The following LAMA3 variants were observed in gnomAD, a reference collection of about 807,000 sequenced individuals.
LAMA3 encodes laminin subunit alpha-3.
LAMA3 carries 281 observed loss-of-function variants against 402.0 expected under a neutral mutation model. The observed-to-expected ratio is 0.70, with a 90% confidence interval of 0.63 to 0.77. LAMA3 has a LOEUF of 0.77. Among genes scored for constraint, LAMA3 ranks in the 30% least tolerant of loss-of-function variants. LAMA3 has a pLI of 0.00. For missense variants in LAMA3, 3,840 were observed against 4,215.5 expected (o/e 0.91, Z 2.47); for synonymous variants, 1,431 against 1,558.4 (o/e 0.92, Z 1.93).
At chr18:23,840,362 T>C (rs1300646854) in intron 27 of LAMA3, among the ~76,000 whole-genome samples, 1 of 150,772 alleles carries the variant, frequency 6.6e-6, no homozygotes, top group East Asian at 1.9e-4. Flanking sequence ...ATAGTTATTG[T>C]AGCCAAGAAC....
At chr18:23,719,462 TA>T (rs1469103349) in intron 2 of LAMA3, among the ~76,000 whole-genome samples, 1 of 152,214 alleles carries the variant, frequency 6.6e-6, no homozygotes. Flanking sequence ...AAATTGTTTC[TA>T]AAGCTCCAAG....
chr18:23,907,114 A>G (rs1182997824), intron 52 of LAMA3, among the ~76,000 whole-genome samples: 2 of 152,244 alleles, frequency 1.3e-5, no homozygotes, highest in African/African-American at 4.8e-5. Context: ...TCCTTTCTAC[A>G]TTATTAATTC....
chr18:23,921,352 A>G, intron 61 of LAMA3, 100 bp from the exon 62 acceptor site: 1 of 1,307,946 alleles, frequency 7.6e-7, no homozygotes, highest in Admixed American at 2.4e-5. Context: ...ATATAAATGA[A>G]TCTGGGGGAA....
chr18:23,890,863 G>A (rs1317896817), intron 42 of LAMA3, among the ~76,000 whole-genome samples: 1 of 152,192 alleles, frequency 6.6e-6, no homozygotes, highest in African/African-American at 2.4e-5. Context: ...TTATTGTCAT[G>A]CCTCAGGACT....
At chr18:23,774,889 A>G (rs2143887839) in intron 9 of LAMA3, among the ~76,000 whole-genome samples, 1 of 152,326 alleles carries the variant, frequency 6.6e-6, no homozygotes, top group East Asian at 1.9e-4. Context: ...TCTTGTGCCT[A>G]CAAAGAATAG....
chr18:23,926,653 A>C (rs2082010954), intron 62 of LAMA3, among the ~76,000 whole-genome samples: 1 of 152,228 alleles, frequency 6.6e-6, no homozygotes, highest in Non-Finnish European at 1.5e-5. Context: ...TTAGAATGAA[A>C]TCAGCTTTGG....
chr18:23,777,520 A>G lies in LAMA3; in HGVS notation c.1406-37A>G, dbSNP rs371152769. On this transcript the variant is annotated intron_variant, in intron 10 of 74. Coordinates refer to ENST00000313654, the MANE Select transcript of LAMA3 (RefSeq NM_198129.4). ...AATGTTTTACTTTACTATCTCCTTAATCATCCTCTGTATTTTTTAATAAAC... is the reference window on the plus strand; with the variant it reads ...AATGTTTTACTTTACTATCTCCTTAGTCATCCTCTGTATTTTTTAATAAAC... 3.6e-5 allele frequency: 50 copies of G among 1,380,110 alleles called. 1 individual carries two copies. The African/African-American group carries it at 6.7e-4, about 18-fold the overall frequency. The allele number at this position is 1,380,110 out of a possible 1,614,324, so 85.5% of individuals were successfully genotyped here.
At chr18:23,922,973 C>T (rs1342779952) in intron 62 of LAMA3, among the ~76,000 whole-genome samples, 2 of 152,144 alleles carry the variant, frequency 1.3e-5, no homozygotes, top group Non-Finnish European at 2.9e-5. Flanking sequence ...TAGGAGGAAG[C>T]TCAGGGTGCT....
chr18:23,743,357 G>T (rs1177467274), intron 2 of LAMA3, among the ~76,000 whole-genome samples: 1 of 152,032 alleles, frequency 6.6e-6, no homozygotes, highest in Non-Finnish European at 1.5e-5. Context: ...ACCACTTCGG[G>T]GTTCAGCTCT....
At chr18:23,737,954 G>T (rs527795132) in intron 2 of LAMA3, among the ~76,000 whole-genome samples, 1 of 152,358 alleles carries the variant, frequency 6.6e-6, no homozygotes, top group Non-Finnish European at 1.5e-5. Context: ...GGGGGCTGGG[G>T]TCAGGCTTCA....
rs1368665472 is a variant in LAMA3 at position 23,912,717 on chromosome 18, G to A, written c.7165G>A (p.Val2389Ile). The change falls in exon 56 of 75, where the codon GTC becomes ATC. Residue 2389 changes from valine to isoleucine, a missense_variant. Transcript: ENST00000313654. ...TGTAACTTACTCCTCACAGGTTGCT[G>A]TCCCCATGAGGTTCAATGGTAAATC... The part of the protein sequence containing the change: ...QARDAASKVA[V>I]PMRFNGKSGV... 1.9e-6 allele frequency: 3 copies of A among 1,613,638 alleles called. No homozygotes were observed. The highest frequency in any genetic ancestry group is 3.3e-5 in the Admixed American group (2 of 60,006).
intron 12 of LAMA3, among the ~76,000 whole-genome samples, chr18:23,806,728 T>C (rs1488175936): frequency 6.6e-6 from 1 of 152,258 alleles, no homozygotes; most frequent in East Asian, 1.9e-4. Context: ...TTAACTTGCA[T>C]TGCAATTCAG....
chr18:23,894,867 C>G (rs775080900), intron 43 of LAMA3, 40 bp from the exon 44 acceptor site: 2 of 1,613,446 alleles, frequency 1.2e-6, no homozygotes, highest in East Asian at 2.2e-5. Flanking sequence ...TCCCACGGCT[C>G]CCCCCACAGC....
At chr18:23,902,366 C>A (rs144972920) in intron 48 of LAMA3, among the ~76,000 whole-genome samples, 1 of 152,024 alleles carries the variant, frequency 6.6e-6, no homozygotes, top group African/African-American at 2.4e-5. Flanking sequence ...AAAATATGAG[C>A]GGTTTTATAG....
intron 23 of LAMA3, among the ~76,000 whole-genome samples, chr18:23,833,393 TA>T (rs5823403): frequency 0.8 from 120,660 of 151,248 alleles, 48,793 homozygotes; most frequent in African/African-American, 0.94. Flanking sequence ...TAAAACTTAT[TA>T]AAAAAAAAAC....
At chr18:23,772,044 C>CTTT (rs35056110) in intron 8 of LAMA3, among the ~76,000 whole-genome samples, 7 of 141,188 alleles carry the variant, frequency 5.0e-5, no homozygotes, top group African/African-American at 1.8e-4. Flanking sequence ...TGATCGAAGT[C>CTTT]TTTTTTTTTT....
chr18:23,783,842 G>C (rs1441894117), intron 11 of LAMA3, among the ~76,000 whole-genome samples, 181 bp from the exon 12 acceptor site: 1 of 151,918 alleles, frequency 6.6e-6, no homozygotes, highest in African/African-American at 2.4e-5. Flanking sequence ...TGATATCTCT[G>C]ACCTTTTGTG....
Position 23,775,910 on chromosome 18 carries a change from C to G in LAMA3, c.1392C>G (p.Phe464Leu). ...AGTGTGCAATTGGATACTACAATTT[C>G]CCATTTTGCTTGAGTAAGTACCCAC... ...CEKCAIGYYNFPFCLRIPIFP... is the reference protein window; with the variant it reads ...CEKCAIGYYNLPFCLRIPIFP... Residue 464 changes from phenylalanine (F) to leucine (L), a missense_variant, in exon 10 of 75, where the codon TTC becomes TTG. Phe to Leu is a conservative substitution (Grantham distance 22). This residue lies in a region of LAMA3 where 2,109 missense variants were observed against 2,376.0 expected (regional missense o/e 0.89). Coordinates refer to ENST00000313654, the MANE Select transcript of LAMA3 (RefSeq NM_198129.4). 6.2e-7 allele frequency: 1 copy of G among 1,614,106 alleles called. No homozygotes were observed.
At chr18:23,863,697 T>G (rs2064281678) in intron 35 of LAMA3, among the ~76,000 whole-genome samples, 1 of 152,240 alleles carries the variant, frequency 6.6e-6, no homozygotes, top group African/African-American at 2.4e-5. Flanking sequence ...GAGCGTGGCT[T>G]CTTTCCCCTG....
Sources: gnomAD v4.1 joint callset for allele counts (sites outside exome capture counted in the v4.1 genomes callset) on GRCh38, gnomAD v4.1.1 for gene constraint, gnomAD v4.1.1 regional missense constraint, MANE v1.5 for transcripts, NCBI Gene and HGNC (gene_info 2026-07-23, HGNC 2026-07-21) for gene names.